EPS8: variants seen among roughly 807,000 people sequenced by gnomAD.
The protein encoded by EPS8 is EGFR pathway substrate 8, signaling adaptor.
In EPS8, 42 loss-of-function variants were observed where a neutral mutation model predicts 103.8. The observed-to-expected ratio is 0.40, with a 90% CI of 0.32 to 0.52. EPS8 has a LOEUF of 0.52. EPS8 is among the 20% of genes least tolerant of loss of function. EPS8 has a pLI of 0.40. For missense variants in EPS8, 969 were observed against 1,005.1 expected (o/e 0.96, Z 0.49); for synonymous variants, 344 against 344.6 (o/e 1.00, Z 0.02).
chr12:15,628,006 G>T (rs1194710713), intron 18 of EPS8, among the ~76,000 whole-genome samples: 1 of 136,974 alleles, frequency 7.3e-6, no homozygotes, highest in Non-Finnish European at 1.5e-5. Flanking sequence ...AGTGTGAATA[G>T]TTAGTGTTAT....
chr12:15,648,675 C>T (rs1372698097), intron 14 of EPS8, among the ~76,000 whole-genome samples: 1 of 152,158 alleles, frequency 6.6e-6, no homozygotes, highest in Non-Finnish European at 1.5e-5. Flanking sequence ...GAAGCACCCA[C>T]ACCTTTTGCC....
chr12:15,719,623 C>A (rs1946572820), intron 1 of EPS8, among the ~76,000 whole-genome samples: 1 of 152,188 alleles, frequency 6.6e-6, no homozygotes, highest in Admixed American at 6.5e-5. Flanking sequence ...GGTTTAATTT[C>A]TTTGAATATC....
At chr12:15,679,429 T>G (rs1945966582) in intron 3 of EPS8, among the ~76,000 whole-genome samples, 1 of 152,230 alleles carries the variant, frequency 6.6e-6, no homozygotes, top group Non-Finnish European at 1.5e-5. Context: ...ACACTCATTC[T>G]GCAAGTATTT....
At position 15,767,998 on chromosome 12, in the gene EPS8, T is replaced by C. The variant is rs889492951; in HGVS notation, c.-22+21163A>G. Among the ~76,000 whole-genome samples, 6 of 152,226 alleles carry C rather than the reference T, an allele frequency of 3.9e-5. No homozygotes were observed. Among genetic ancestry groups the C allele is most frequent in the Non-Finnish European group, 7.3e-5 (5 of 68,042 alleles). On this transcript the variant is annotated intron_variant, in intron 1 of 20. Coordinates refer to ENST00000281172, the MANE Select transcript of EPS8 (RefSeq NM_004447.6). The surrounding 1 kb of genome is among the most constrained non-coding windows in gnomAD (Gnocchi z 5.5). ...AAACTGGAATTATGCTTTTCTTCCA[T>C]TGCAGTTAAGAATTAACCTAAGTAA...
intron 1 of EPS8, among the ~76,000 whole-genome samples, chr12:15,741,801 G>A (rs1022427271): frequency 6.6e-6 from 1 of 151,988 alleles, no homozygotes; most frequent in African/African-American, 2.4e-5. Context: ...CCATGTTGGT[G>A]TGCTGCACCC....
chr12:15,660,530 C>T, intron 10 of EPS8, 84 bp downstream of exon 10: 1 of 763,868 alleles, frequency 1.3e-6, no homozygotes, highest in Non-Finnish European at 2.4e-6. Context: ...TCCCAAAGTG[C>T]TGGGATTACA....
At position 15,784,002 on chromosome 12, in the gene EPS8, A is replaced by G. The variant is rs563502220; in HGVS notation, c.-22+5159T>C. On this transcript the variant is annotated intron_variant, in intron 1 of 20. Coordinates refer to ENST00000281172, the MANE Select transcript of EPS8 (RefSeq NM_004447.6). The surrounding 1 kb of genome is among the most constrained non-coding windows in gnomAD (Gnocchi z 4.0). ...AGACACAGACCTTATACCTTTCATA[A>G]AAATTAACTCTAAATGGATCACATA... Among the ~76,000 whole-genome samples, 33 of 152,280 alleles carry G rather than the reference A, an allele frequency of 2.2e-4. No homozygotes were observed. The South Asian group carries it at 6.8e-3, about 32-fold the overall frequency.
At chr12:15,653,911 G>T (rs1945461220) in intron 13 of EPS8, among the ~76,000 whole-genome samples, 1 of 152,104 alleles carries the variant, frequency 6.6e-6, no homozygotes, top group African/African-American at 2.4e-5. Context: ...CTTCCTGACT[G>T]GTCCCCCTTG....
chr12:15,666,170 T>G (rs548969986), intron 7 of EPS8, among the ~76,000 whole-genome samples: 4 of 152,330 alleles, frequency 2.6e-5, no homozygotes, highest in Admixed American at 2.6e-4. Context: ...TGTATTTCCC[T>G]AGGATACCTT....
chr12:15,691,854 C>A (rs1946176395), intron 1 of EPS8, among the ~76,000 whole-genome samples: 1 of 152,054 alleles, frequency 6.6e-6, no homozygotes, highest in South Asian at 2.1e-4. Context: ...ATCTTTCCCC[C>A]CAACTCTTAG....
At position 15,751,398 on chromosome 12, in the gene EPS8, G is replaced by A. The variant is rs1946929879; in HGVS notation, c.-22+37763C>T. On this transcript the variant is annotated intron_variant, in intron 1 of 20. Coordinates refer to ENST00000281172, the MANE Select transcript of EPS8 (RefSeq NM_004447.6). The surrounding 1 kb of genome is among the most constrained non-coding windows in gnomAD (Gnocchi z 4.3). ...CCACATTATCAATTTCTGCCTTCTA[G>A]CCTCAACGCCACTGATCCCAACATT... Among the ~76,000 whole-genome samples, 2 of 152,034 alleles carry A rather than the reference G, an allele frequency of 1.3e-5. No homozygotes were observed. Among genetic ancestry groups the A allele is most frequent in the Non-Finnish European group, 2.9e-5 (2 of 68,018 alleles).
rs957209922 is a variant in EPS8 at position 15,690,591 on chromosome 12, A to C, written c.-21-7619T>G. Among the ~76,000 whole-genome samples, 1 of 152,170 alleles carries C rather than the reference A, an allele frequency of 6.6e-6. No individual in the cohort carries two copies. Among genetic ancestry groups the C allele is most frequent in the Non-Finnish European group, 1.5e-5 (1 of 68,012 alleles). ...TCCATTGTTTCAATTTGTCTGCTCT[A>C]TTTTAGTAATACATGGTTTTACAGA... On this transcript the variant is annotated intron_variant, in intron 1 of 20. Coordinates refer to ENST00000281172, the MANE Select transcript of EPS8 (RefSeq NM_004447.6). This position sits in a 1 kb window ranked among gnomAD's most constrained non-coding sequence, Gnocchi z 4.7.
rs1221530724 is a variant in EPS8 at position 15,745,451 on chromosome 12, C to T, written c.-22+43710G>A. On this transcript the variant is annotated intron_variant, in intron 1 of 20. Transcript: ENST00000281172. This position sits in a 1 kb window ranked among gnomAD's most constrained non-coding sequence, Gnocchi z 4.6. ...AATTCTCAACATTGCTGTAAACAGC[C>T]ACTACTAAATTATAAAGTCAGCATA... is the stretch of plus-strand genomic sequence containing the variant. Among the ~76,000 whole-genome samples the T allele has an allele frequency of 4.0e-5, 6 of 151,436 alleles. No homozygotes were observed. The highest frequency in any genetic ancestry group is 1.5e-4 in the African/African-American group (6 of 41,158).
At position 15,663,948 on chromosome 12, in the gene EPS8, A is replaced by AT. The variant is rs1565487267; in HGVS notation, c.736+1807_736+1808insA. ...AAAAAAAAAAAAAAAAAAAAAAAAT[A>AT]ATATATATATATATATATATATATA... is the stretch of plus-strand genomic sequence containing the variant. On this transcript the variant is annotated intron_variant, in intron 8 of 20. Transcript: ENST00000281172. Among the ~76,000 whole-genome samples, 107 of 49,414 alleles carry AT rather than the reference A, an allele frequency of 2.2e-3. 2 individuals carry two copies. The highest frequency in any genetic ancestry group is 5.8e-3 in the African/African-American group (97 of 16,852). 32.4% of individuals were successfully genotyped at this position (49,414 alleles called of 152,430 possible).
chr12:15,634,664 G>A (rs561578281), intron 17 of EPS8: 1 of 398,410 alleles, frequency 2.5e-6, no homozygotes, highest in East Asian at 3.6e-5. Flanking sequence ...AACATTTGGA[G>A]GGTGTTAAGT....
Position 15,631,615 on chromosome 12 carries a change from G to A in EPS8, c.1871C>T (p.Pro624Leu). Residue 624 changes from proline (P) to leucine (L), a missense_variant, in exon 18 of 21, where the codon CCA (proline) becomes CTA (leucine). Physicochemically the swap from Pro to Leu is moderately conservative, Grantham distance 98 (BLOSUM62 -3). Coordinates refer to ENST00000281172, the MANE Select transcript of EPS8 (RefSeq NM_004447.6). ...AGGAGCTGGTGTTGGAGGAGGTGATGGAGCAGGGGGAGTATCAGCTGGTCT... is the reference window on the plus strand; with the variant it reads ...AGGAGCTGGTGTTGGAGGAGGTGATAGAGCAGGGGGAGTATCAGCTGGTCT... ...GPRPADTPPA[P>L]SPPPTPAPVP... is the part of the protein sequence containing the mutation. 1 of 1,614,004 alleles carries A rather than the reference G, an allele frequency of 6.2e-7. No individual in the cohort carries two copies. The highest frequency in any genetic ancestry group is 1.1e-5 in the South Asian group (1 of 91,074).
In EPS8 at chr12:15,742,637, T is replaced by A. The variant is rs112673360; in HGVS notation, c.-22+46524A>T. Among the ~76,000 whole-genome samples the A allele has an allele frequency of 4.2e-3, 646 of 152,140 alleles. 8 individuals are homozygous for A. The highest frequency in any genetic ancestry group is 0.031 in the East Asian group (160 of 5,172). ...CAAATCAATAAATGTAATCCAGCATTTAAACAGAACCAAAGACAAAAACCA... is the reference window on the plus strand; with the variant it reads ...CAAATCAATAAATGTAATCCAGCATATAAACAGAACCAAAGACAAAAACCA... On this transcript the variant is annotated intron_variant, in intron 1 of 20. Coordinates refer to ENST00000281172, the MANE Select transcript of EPS8 (RefSeq NM_004447.6).
intron 12 of EPS8, among the ~76,000 whole-genome samples, chr12:15,655,159 T>A (rs1945484883): frequency 1.3e-5 from 2 of 152,140 alleles, no homozygotes; most frequent in South Asian, 4.1e-4. Context: ...TTGTACATGC[T>A]GTTCCCAGTT....
In EPS8 at chr12:15,690,199, A is replaced by G. The variant is rs965335756; in HGVS notation, c.-21-7227T>C. ...ATCAATCTTTTCTAAAGTGTACAAT[A>G]TATCTTTATAAATGCTTACAACATA... On this transcript the variant is annotated intron_variant, in intron 1 of 20. Coordinates refer to ENST00000281172, the MANE Select transcript of EPS8 (RefSeq NM_004447.6). This position sits in a 1 kb window ranked among gnomAD's most constrained non-coding sequence, Gnocchi z 4.7. Among the ~76,000 whole-genome samples the G allele has an allele frequency of 6.6e-6, 1 of 152,180 alleles. No individual in the cohort carries two copies. The highest frequency in any genetic ancestry group is 6.5e-5 in the Admixed American group (1 of 15,282).
Sources: allele counts gnomAD v4.1 joint callset (sites outside exome capture counted in the v4.1 genomes callset), GRCh38; gene constraint gnomAD v4.1.1; non-coding constraint Gnocchi (gnomAD v3.1); transcripts MANE v1.5; gene names NCBI Gene and HGNC (gene_info 2026-07-23, HGNC 2026-07-21).